Variants in MGAT4C observed in about 807,000 individuals in gnomAD.
The protein encoded by MGAT4C is alpha-1,3-mannosyl-glycoprotein 4-beta-N-acetylglucosaminyltransferase C.
MGAT4C carries 19 observed loss-of-function variants against 40.1 expected under a neutral mutation model. The ratio of observed to expected loss-of-function variants is 0.47; its 90% CI spans 0.33 to 0.70. The LOEUF (loss-of-function observed/expected upper bound fraction) is 0.70, where lower values mean the gene tolerates loss of function less well. MGAT4C is among the 30% of genes least tolerant of loss of function. The probability of loss-of-function intolerance (pLI) is 0.02; values close to 1 mark genes in which losing one functional copy is unlikely to be tolerated. For missense variants in MGAT4C, 491 were observed against 563.2 expected, an observed-to-expected ratio of 0.87 and a Z score of 1.30; for synonymous variants, 181 against 187.1, an observed-to-expected ratio of 0.97 and a Z score of 0.27.
chr12:86,693,528 T>C (rs1950205951), intron 2 of MGAT4C, among the ~76,000 whole-genome samples: 1 of 152,168 alleles, frequency 6.6e-6, no homozygotes, highest in South Asian at 2.1e-4. Context: ...AAGTATTAGC[T>C]AATTAGCTTT....
chr12:86,698,751 C>T (rs923328606), intron 2 of MGAT4C, among the ~76,000 whole-genome samples: 5 of 151,852 alleles, frequency 3.3e-5, no homozygotes. Context: ...TCAGTTTATT[C>T]ACTTGGTTTC....
intron 2 of MGAT4C, among the ~76,000 whole-genome samples, chr12:86,561,800 T>G (rs1371401357): frequency 6.6e-6 from 1 of 152,174 alleles, no homozygotes; most frequent in African/African-American, 2.4e-5. Flanking sequence ...AATACAGATT[T>G]TGGTACCAGG....
chr12:86,703,905 G>A (rs1338645608), intron 2 of MGAT4C, among the ~76,000 whole-genome samples: 2 of 152,098 alleles, frequency 1.3e-5, no homozygotes. Flanking sequence ...GGATTTATGG[G>A]AGACAGAACA....
At chr12:86,435,558 G>A (rs995870631) in intron 2 of MGAT4C, among the ~76,000 whole-genome samples, 16 of 151,916 alleles carry the variant, frequency 1.1e-4, no homozygotes, top group Admixed American at 7.2e-4. Context: ...TGTCTGGTAC[G>A]TAAATTTACT....
intron 2 of MGAT4C, among the ~76,000 whole-genome samples, chr12:86,509,651 C>A (rs950466482): frequency 6.6e-6 from 1 of 152,058 alleles, no homozygotes; most frequent in Admixed American, 6.6e-5. Flanking sequence ...TTACCTTGGG[C>A]AGTATGGCCA....
In MGAT4C at chr12:86,429,577, T is replaced by C. The variant is rs547793894; in HGVS notation, c.-120+5580A>G. On this transcript the variant is annotated intron_variant, in intron 3 of 7. Coordinates refer to the MGAT4C transcript ENST00000548651. ...GTCACGTTTTTTGTTTTTGTTTTTT[T>C]CTTTCAGAACTTTGACTACATCTTT... is the stretch of plus-strand genomic sequence containing the variant. Among the ~76,000 whole-genome samples, 26 of 152,320 alleles carry C rather than the reference T, an allele frequency of 1.7e-4. No homozygotes were observed. The East Asian group carries it at 3.3e-3, about 19-fold the overall frequency.
chr12:86,539,994 T>C (rs1034786939), intron 2 of MGAT4C, among the ~76,000 whole-genome samples: 6 of 152,218 alleles, frequency 3.9e-5, no homozygotes, highest in Non-Finnish European at 8.8e-5. Context: ...TGATGGTAGT[T>C]TCTTTTGCTG....
intron 3 of MGAT4C, among the ~76,000 whole-genome samples, chr12:86,356,908 G>A (rs2136197205): frequency 6.6e-6 from 1 of 152,318 alleles, no homozygotes; most frequent in African/African-American, 2.4e-5. Flanking sequence ...GGGCATGGCT[G>A]AACAAAAGGC....
chr12:86,274,918 T>C (rs1953033811), intron 4 of MGAT4C, among the ~76,000 whole-genome samples: 1 of 152,134 alleles, frequency 6.6e-6, no homozygotes, highest in African/African-American at 2.4e-5. Flanking sequence ...AAGCTCTTCT[T>C]GCAGAAAAGC....
At chr12:86,636,107 T>A (rs1593067112) in intron 2 of MGAT4C, among the ~76,000 whole-genome samples, 1 of 152,034 alleles carries the variant, frequency 6.6e-6, no homozygotes, top group Non-Finnish European at 1.5e-5. Flanking sequence ...CTAAACCATA[T>A]AGCCTTGGTG....
chr12:86,226,769 C>CT (rs1951098484), intron 1 of MGAT4C, among the ~76,000 whole-genome samples: 2 of 151,990 alleles, frequency 1.3e-5, no homozygotes, highest in African/African-American at 4.8e-5. Flanking sequence ...TGGACTCCTC[C>CT]TTTCTTTTCA....
chr12:86,300,620 A>G (rs934915649), intron 4 of MGAT4C, among the ~76,000 whole-genome samples: 8 of 152,178 alleles, frequency 5.3e-5, no homozygotes, highest in African/African-American at 1.7e-4. Context: ...TTCAAGTTAC[A>G]TATATAATCA....
intron 1 of MGAT4C, among the ~76,000 whole-genome samples, chr12:86,777,002 C>T (rs2136177320): frequency 6.6e-6 from 1 of 152,224 alleles, no homozygotes; most frequent in East Asian, 1.9e-4. Context: ...TAGTAGCTAT[C>T]TAGGACTTAC....
Position 86,677,186 on chromosome 12 carries a change from G to A in MGAT4C, c.-229+50023C>T, listed in dbSNP as rs370917463. Reference sequence around the variant, plus strand: ...ATTTATTATTTGAGAAACCACGTGGGAAATCATAAAGGCCTTCCTGAATTA... The same window carrying A: ...ATTTATTATTTGAGAAACCACGTGGAAAATCATAAAGGCCTTCCTGAATTA... On this transcript the variant is annotated intron_variant, in intron 2 of 7. Coordinates refer to the MGAT4C transcript ENST00000548651. Among the ~76,000 whole-genome samples, 32 of 152,150 alleles carry A rather than the reference G, an allele frequency of 2.1e-4. No individual in the cohort carries two copies. In the East Asian group the frequency reaches 5.4e-3, roughly 26 times the overall value.
At chr12:86,715,840 A>C (rs2136637996) in intron 2 of MGAT4C, among the ~76,000 whole-genome samples, 1 of 152,262 alleles carries the variant, frequency 6.6e-6, no homozygotes, top group East Asian at 1.9e-4. Flanking sequence ...CCTAAATTTC[A>C]AAAGGGAAAA....
intron 4 of MGAT4C, among the ~76,000 whole-genome samples, chr12:86,330,365 T>C (rs1954635754): frequency 6.6e-6 from 1 of 152,242 alleles, no homozygotes; most frequent in South Asian, 2.1e-4. Context: ...TCTCTGGGAC[T>C]TTATTGCTGA....
intron 2 of MGAT4C, among the ~76,000 whole-genome samples, chr12:86,474,276 A>C (rs1957798167): frequency 6.6e-6 from 1 of 150,604 alleles, no homozygotes; most frequent in Admixed American, 6.6e-5. Context: ...CAAGGACAAA[A>C]AACCAAACAC....
chr12:86,603,551 A>ATATAATATATACT lies in MGAT4C; in HGVS notation c.-229+123657_-229+123658insAGTATATATTATA, dbSNP rs1427435197. Among the ~76,000 whole-genome samples the ATATAATATATACT allele has an allele frequency of 0.048, 200 of 4,138 alleles. 23 individuals carry two copies. In the South Asian group the frequency reaches 0.5, roughly 10 times the overall value. The allele number at this position is 4,138 out of a possible 152,430, so 2.7% of individuals were successfully genotyped here. A position where few individuals can be genotyped will look rare whatever the true frequency, so the allele number is the denominator to read the frequency against. On this transcript the variant is annotated intron_variant, in intron 2 of 7. Transcript: ENST00000548651. ...TATATATAGTCTATAGACTATAGAT[A>ATATAATATATACT]ATATATAGTCTATAGACTATAGATA...
intron 1 of MGAT4C, among the ~76,000 whole-genome samples, chr12:86,203,364 C>G (rs1186681498): frequency 6.6e-6 from 1 of 152,064 alleles, no homozygotes; most frequent in African/African-American, 2.4e-5. Context: ...AGTTTCCAGT[C>G]GGATCTGAGC....
Sources: allele counts gnomAD v4.1 joint callset (sites outside exome capture counted in the v4.1 genomes callset), GRCh38; gene constraint gnomAD v4.1.1; transcripts MANE v1.5; gene names NCBI Gene and HGNC (gene_info 2026-07-23, HGNC 2026-07-21).